Variants in THSD7B observed in about 807,000 individuals in gnomAD.
The protein encoded by THSD7B is thrombospondin type-1 domain-containing protein 7B.
A neutral mutation model predicts 213.6 loss-of-function variants in THSD7B; 138 were observed. The ratio of observed to expected loss-of-function variants is 0.65; its 90% confidence interval spans 0.56 to 0.74. The LOEUF is 0.74. Ranked by LOEUF, THSD7B falls within the 30% of genes least tolerant of loss-of-function variation. The probability of loss-of-function intolerance (pLI) is 0.00; values close to 1 mark genes in which losing one functional copy is unlikely to be tolerated. For synonymous variants in THSD7B, 742 were observed against 687.0 expected, an observed-to-expected ratio of 1.08 and a Z score of -1.25; for missense variants, 1,931 against 1,991.5, an observed-to-expected ratio of 0.97 and a Z score of 0.58.
intron 12 of THSD7B, among the ~76,000 whole-genome samples, chr2:137,360,711 G>A (rs1385880055): frequency 1.3e-5 from 2 of 152,118 alleles, no homozygotes; most frequent in African/African-American, 2.4e-5. Context: ...CTGGAATCTC[G>A]AACTGGGTGG....
At chr2:137,320,727 T>C (rs1296063290) in intron 12 of THSD7B, among the ~76,000 whole-genome samples, 2 of 152,216 alleles carry the variant, frequency 1.3e-5, no homozygotes, top group Non-Finnish European at 2.9e-5. Context: ...AAGAGATGTG[T>C]TCAAATTAGA....
At chr2:137,572,351 A>C in intron 16 of THSD7B, 55 bp from the exon 17 acceptor site, 1 of 1,589,186 alleles carries the variant, frequency 6.3e-7, no homozygotes, top group Non-Finnish European at 8.6e-7. Flanking sequence ...AACTATTTTA[A>C]ATATACTCTC....
chr2:137,032,063 A>G (rs865794024), intron 2 of THSD7B, among the ~76,000 whole-genome samples: 1 of 151,034 alleles, frequency 6.6e-6, no homozygotes, highest in Non-Finnish European at 1.5e-5. Context: ...CTGGTCTCAA[A>G]CTCCTAAGCT....
chr2:137,215,827 A>G (rs1681227102), intron 7 of THSD7B, among the ~76,000 whole-genome samples: 1 of 152,182 alleles, frequency 6.6e-6, no homozygotes, highest in African/African-American at 2.4e-5. Context: ...ACTGAAAGCA[A>G]TTCATCAGAA....
chr2:136,850,366 C>A (rs766010087), intron 1 of THSD7B, among the ~76,000 whole-genome samples: 160 of 151,984 alleles, frequency 1.1e-3, no homozygotes, highest in Non-Finnish European at 1.7e-3. Flanking sequence ...TCTCTTTGAG[C>A]ACATTGGAAA....
chr2:136,926,535 A>G (rs1282527433), intron 2 of THSD7B, among the ~76,000 whole-genome samples: 1 of 152,044 alleles, frequency 6.6e-6, no homozygotes, highest in Non-Finnish European at 1.5e-5. Flanking sequence ...TCTACAAAAA[A>G]TACAAAAAAT....
chr2:137,276,161 A>G, intron 12 of THSD7B, 135 bp downstream of exon 12: 1 of 689,554 alleles, frequency 1.5e-6, no homozygotes, highest in African/African-American at 1.8e-5. Flanking sequence ...ATTGATGTTA[A>G]ATATAAATAG....
At chr2:137,055,731 G>A (rs1034524102) in intron 2 of THSD7B, among the ~76,000 whole-genome samples, 4 of 152,060 alleles carry the variant, frequency 2.6e-5, no homozygotes, top group African/African-American at 7.2e-5. Flanking sequence ...GGATTCTAGG[G>A]GCAGAATTTC....
intron 12 of THSD7B, among the ~76,000 whole-genome samples, chr2:137,376,617 T>C (rs1191430028): frequency 2.0e-5 from 3 of 152,248 alleles, no homozygotes; most frequent in Admixed American, 1.3e-4. Context: ...TTATTCTTTC[T>C]ACCTGCCAAA....
chr2:137,484,253 G>C (rs936818604), intron 15 of THSD7B, among the ~76,000 whole-genome samples: 11 of 149,494 alleles, frequency 7.4e-5, no homozygotes, highest in African/African-American at 2.7e-4. Context: ...TCCCAACTAT[G>C]AGTGAGAATA....
chr2:137,487,543 C>T, intron 15 of THSD7B, among the ~76,000 whole-genome samples: 1 of 151,268 alleles, frequency 6.6e-6, no homozygotes, highest in Non-Finnish European at 1.5e-5. Context: ...TTGAAAGGAT[C>T]AACAAAATTG....
intron 4 of THSD7B, 86 bp downstream of exon 4, chr2:137,095,207 CTCA>C: frequency 6.5e-7 from 1 of 1,526,818 alleles, no homozygotes; most frequent in Non-Finnish European, 8.9e-7. Context: ...GTAGCTGTGA[CTCA>C]TATTTATTGA....
In THSD7B at chr2:137,170,898, G is replaced by T; in HGVS notation, c.1683G>T (p.Leu561=). ...ICFPDHGKCG[L]GHRILKAVCQ... ...TCCCTGATCATGGAAAATGTGGCCT[G>T]GGACATCGTATTCTGAAGGCCGTCT... The change falls in exon 7 of 28, where the codon CTG becomes CTT. Residue 561 remains leucine (L), a synonymous_variant. Coordinates refer to ENST00000409968, the MANE Select transcript of THSD7B (RefSeq NM_001316349.2). 6.2e-7 allele frequency: 1 copy of T among 1,613,256 alleles called. No individual in the cohort carries two copies. The highest frequency in any genetic ancestry group is 1.1e-5 in the South Asian group (1 of 91,036).
intron 17 of THSD7B, among the ~76,000 whole-genome samples, chr2:137,586,355 T>A (rs1285034998): frequency 6.6e-6 from 1 of 152,208 alleles, no homozygotes; most frequent in East Asian, 1.9e-4. Context: ...AGTATTGTTA[T>A]GTGTGAATTT....
intron 2 of THSD7B, among the ~76,000 whole-genome samples, chr2:136,918,788 T>C (rs962368193): frequency 2.0e-5 from 3 of 152,236 alleles, no homozygotes; most frequent in Non-Finnish European, 4.4e-5. Flanking sequence ...CAACTTCATC[T>C]AAGAAAAATA....
At chr2:137,296,052 T>C (rs1683455503) in intron 12 of THSD7B, among the ~76,000 whole-genome samples, 1 of 152,102 alleles carries the variant, frequency 6.6e-6, no homozygotes, top group South Asian at 2.1e-4. Context: ...CAAATTTCCA[T>C]TTTGCTCTTG....
intron 21 of THSD7B, among the ~76,000 whole-genome samples, chr2:137,650,374 T>C (rs1683114675): frequency 6.6e-6 from 1 of 152,226 alleles, no homozygotes; most frequent in South Asian, 2.1e-4. Context: ...TTGATTTATT[T>C]TTCAGATTGT....
chr2:136,920,942 A>T (rs62172340), intron 2 of THSD7B, among the ~76,000 whole-genome samples: 15,388 of 152,220 alleles, frequency 0.1, 1,015 homozygotes, highest in East Asian at 0.15. Context: ...GGAGAGGCCA[A>T]GGAGTGGGAG....
chr2:137,476,040 C>T, intron 15 of THSD7B, among the ~76,000 whole-genome samples: 1 of 152,056 alleles, frequency 6.6e-6, no homozygotes. Context: ...TGTACTTTTG[C>T]ATTTTCTCAA....
Sources: allele counts gnomAD v4.1 joint callset (sites outside exome capture counted in the v4.1 genomes callset), GRCh38; gene constraint gnomAD v4.1.1; transcripts MANE v1.5; gene names NCBI Gene and HGNC (gene_info 2026-07-23, HGNC 2026-07-21).